The following MGST1 variants were observed in gnomAD, a reference collection of about 807,000 sequenced individuals.
MGST1 encodes the protein glutathione S-transferase 12.
Under a neutral mutation model 8.9 loss-of-function variants are expected in MGST1, and 5 were observed. That is an observed-to-expected ratio of 0.56 (90% confidence interval 0.29 to 1.19). The LOEUF is 1.19. MGST1 is among the 50% of genes most tolerant of loss of function. MGST1 has a pLI of 0.08. For missense variants in MGST1, 182 were observed against 187.4 expected (o/e 0.97, Z 0.17); for synonymous variants, 54 against 67.8 (o/e 0.80, Z 1.00).
intron 4 of MGST1, among the ~76,000 whole-genome samples, chr12:16,461,272 T>C (rs1941218367): frequency 6.6e-6 from 1 of 152,122 alleles, no homozygotes; most frequent in South Asian, 2.1e-4. Context: ...AAATTATTAT[T>C]AATCCATAGA....
chr12:16,366,785 C>T (rs147250002), downstream of MGST1, among the ~76,000 whole-genome samples: 151 of 152,222 alleles, frequency 9.9e-4, no homozygotes, highest in African/African-American at 3.6e-3. The surrounding 1 kb of genome is among the most constrained non-coding windows in gnomAD (Gnocchi z 4.0). Context: ...TCTGTCCTCA[C>T]CTGTCCTAAG....
intron 4 of MGST1, among the ~76,000 whole-genome samples, chr12:16,461,154 G>A (rs1941215935): frequency 1.5e-5 from 2 of 130,596 alleles, no homozygotes; most frequent in Non-Finnish European, 3.2e-5. Flanking sequence ...TCAATAAATT[G>A]GAATATTGGA....
intron 2 of MGST1, among the ~76,000 whole-genome samples, chr12:16,355,275 C>T (rs929814670): frequency 6.9e-6 from 1 of 145,428 alleles, no homozygotes; most frequent in Admixed American, 7.1e-5. Context: ...GTGGCAGGAT[C>T]TCGGCTCACT....
intron 4 of MGST1, among the ~76,000 whole-genome samples, chr12:16,446,283 G>T (rs1941079071): frequency 1.3e-5 from 2 of 151,866 alleles, no homozygotes; most frequent in South Asian, 2.1e-4. Flanking sequence ...AGTGACTAAG[G>T]AAATTATTTC....
At chr12:16,382,741 G>A (rs1465313705), upstream of MGST1, 1 of 153,108 alleles carries the variant, frequency 6.5e-6, no homozygotes, top group Non-Finnish European at 1.5e-5. Flanking sequence ...CGCAGAAGTG[G>A]AGCCTACAGA....
Position 16,410,577 on chromosome 12 carries a change from ATTT to A in MGST1, n.779-26808_779-26806del, listed in dbSNP as rs2137072962. 6.7e-6 allele frequency among the ~76,000 whole-genome samples: 1 copy of A among 148,642 alleles called. No homozygotes were observed. The highest frequency in any genetic ancestry group is 1.5e-5 in the Non-Finnish European group (1 of 67,380). The stretch of plus-strand genomic sequence containing the variant: ...ACACTATTATATGTACGTAATATAT[ATTT>A]TTACACATACATATTAATGTTTATA... On this transcript the variant is annotated intron_variant and non_coding_transcript_variant, in intron 1 of 1. Coordinates refer to the MGST1 transcript ENST00000359720. This position sits in a 1 kb window ranked among gnomAD's most constrained non-coding sequence, Gnocchi z 4.4.
chr12:16,348,686 C>T (rs1255570003), intron 1 of MGST1, among the ~76,000 whole-genome samples: 3 of 152,004 alleles, frequency 2.0e-5, no homozygotes, highest in African/African-American at 7.3e-5. Flanking sequence ...CTGTGAGTCC[C>T]AGCCTACACC....
intron 1 of MGST1, among the ~76,000 whole-genome samples, chr12:16,352,821 C>T (rs1236659363): frequency 6.6e-6 from 1 of 152,100 alleles, no homozygotes; most frequent in African/African-American, 2.4e-5. Context: ...TATGGTAATT[C>T]CTTACCTTGC....
At chr12:16,409,352 A>T (rs1020656259) in intron 1 of MGST1, among the ~76,000 whole-genome samples, 1 of 151,992 alleles carries the variant, frequency 6.6e-6, no homozygotes, top group Non-Finnish European at 1.5e-5. Context: ...TCTGAAAGGA[A>T]TCTCTGGATC....
chr12:16,520,923 G>A (rs997046053), intron 4 of MGST1, among the ~76,000 whole-genome samples: 1 of 152,064 alleles, frequency 6.6e-6, no homozygotes, highest in African/African-American at 2.4e-5. Context: ...CTTGGTGAAG[G>A]TCACTTTAAA....
At chr12:16,505,555 G>A (rs917054717) in intron 4 of MGST1, among the ~76,000 whole-genome samples, 19 of 151,996 alleles carry the variant, frequency 1.3e-4, no homozygotes, top group African/African-American at 3.4e-4. Context: ...TCTTTCTTCC[G>A]AGATATACCA....
chr12:16,481,222 T>G (rs1189712405), intron 4 of MGST1, among the ~76,000 whole-genome samples: 1 of 152,198 alleles, frequency 6.6e-6, no homozygotes, highest in Non-Finnish European at 1.5e-5. Flanking sequence ...TTTCAGTATC[T>G]ACATGGTCCA....
chr12:16,550,925 C>T (rs1941963831), intron 4 of MGST1: 1 of 272,560 alleles, frequency 3.7e-6, no homozygotes. Flanking sequence ...TATTACAATA[C>T]ATTATATACA....
chr12:16,431,410 C>T (rs1413977531), intron 1 of MGST1, among the ~76,000 whole-genome samples: 1 of 151,974 alleles, frequency 6.6e-6, no homozygotes, highest in Non-Finnish European at 1.5e-5. Flanking sequence ...CCTCACTGAA[C>T]TTAATCATTT....
intron 4 of MGST1, among the ~76,000 whole-genome samples, chr12:16,449,479 G>T (rs1393234999): frequency 6.6e-6 from 1 of 151,860 alleles, no homozygotes; most frequent in African/African-American, 2.4e-5. Flanking sequence ...AACCATATCA[G>T]TTGTTAAGGT....
chr12:16,376,075 T>C (rs992321406), intron 3 of MGST1: 50 of 1,248,668 alleles, frequency 4.0e-5, no homozygotes, highest in Non-Finnish European at 5.3e-5. Context: ...TGTGTGTATA[T>C]AGTCTTTGAA....
chr12:16,511,396 A>G (rs12370755), intron 4 of MGST1, among the ~76,000 whole-genome samples: 63,640 of 152,142 alleles, frequency 0.42, 14,791 homozygotes, highest in Admixed American at 0.54. Flanking sequence ...AGCTTTCTCC[A>G]TCTAGCCTCC....
At chr12:16,394,991 G>C (rs1021846738) in intron 1 of MGST1, among the ~76,000 whole-genome samples, 4 of 151,850 alleles carry the variant, frequency 2.6e-5, no homozygotes, top group Admixed American at 1.3e-4. Flanking sequence ...TCTCTCAATG[G>C]ACAGCTTGTT....
At chr12:16,431,969 A>G (rs1940942846) in intron 1 of MGST1, among the ~76,000 whole-genome samples, 1 of 152,198 alleles carries the variant, frequency 6.6e-6, no homozygotes, top group African/African-American at 2.4e-5. Flanking sequence ...TAGCATTTAT[A>G]AAATCTCTTC....
Sources: gnomAD v4.1 joint callset for allele counts (sites outside exome capture counted in the v4.1 genomes callset) on GRCh38, gnomAD v4.1.1 for gene constraint, Gnocchi (gnomAD v3.1) non-coding constraint, MANE v1.5 for transcripts, NCBI Gene and HGNC (gene_info 2026-07-23, HGNC 2026-07-21) for gene names.